FLG: variants seen among roughly 807,000 people sequenced by gnomAD.
FLG encodes epidermal filaggrin.
FLG carries 6 observed loss-of-function variants against 3.8 expected under a neutral mutation model. That is an observed-to-expected ratio of 1.60 (90% CI 0.87 to 3.15). The LOEUF is 3.15. FLG is among the 30% of genes most tolerant of loss of function. The pLI is 0.00. For missense variants in FLG, 7,595 were observed against 5,050.9 expected, an observed-to-expected ratio of 1.50 and a Z score of -15.27; for synonymous variants, 2,551 against 1,931.6, an observed-to-expected ratio of 1.32 and a Z score of -8.41.
chr1:152,310,544 G>C lies in FLG; in HGVS notation c.4342C>G (p.His1448Asp), dbSNP rs1213152130. The C allele has an allele frequency of 6.2e-7, 1 of 1,613,866 alleles. No individual in the cohort carries two copies. Among genetic ancestry groups the C allele is most frequent in the East Asian group, 2.2e-5 (1 of 44,846 alleles). Residue 1448 changes from histidine (H) to aspartate (D), a missense_variant, in exon 3 of 3, where the codon CAT becomes GAT. By Grantham distance (81) the His-to-Asp change is moderately conservative. Transcript: ENST00000368799. ...SRSFLYQVSSHEQSESTHGQT... is the reference protein window; with the variant it reads ...SRSFLYQVSSDEQSESTHGQT... ...CCGTGTGTGGACTCAGACTGTTCAT[G>C]AGAGCTCACCTGGTAGAGGAAAGAC...
Position 152,305,890 on chromosome 1 carries a change from G to T in FLG, c.8996C>A (p.Ala2999Asp). 1 of 1,285,250 alleles carries T rather than the reference G, an allele frequency of 7.8e-7. No individual in the cohort carries two copies. Among genetic ancestry groups the T allele is most frequent in the Non-Finnish European group, 1.1e-6 (1 of 943,674 alleles). 79.6% of individuals were successfully genotyped at this position (1,285,250 alleles called of 1,614,324 possible). Residue 2999 changes from alanine (A) to aspartate (D), a missense_variant, in exon 3 of 3, where the codon GCT becomes GAT. Ala to Asp is a moderately radical substitution (Grantham distance 126). Transcript: ENST00000368799. ...SRHSGIGHGQ[A>D]SSAVRDSGHR... ...TCCACTGTCTCTGACTGCAGATGAA[G>T]CTTGTCCGTGCCCAATGCCTGAGTG...
chr1:152,312,409 C>T lies in FLG; in HGVS notation c.2477G>A (p.Arg826Gln), dbSNP rs762159918. The T allele has an allele frequency of 2.0e-5, 33 of 1,613,188 alleles. No homozygotes were observed. The highest frequency in any genetic ancestry group is 3.3e-4 in the Middle Eastern group (2 of 6,078). ...GGATGCTGAGTGCCTGGAGTTGTCT[C>T]GTGCCTGCTCATGGTGGGATCCTTG... ...VRQGSHHEQA[R>Q]DNSRHSASQD... Residue 826 changes from arginine (R) to glutamine (Q), a missense_variant, in exon 3 of 3, where the codon CGA becomes CAA. Physicochemically the swap from Arg to Gln is conservative, Grantham distance 43 (BLOSUM62 1). Coordinates refer to ENST00000368799, the MANE Select transcript of FLG (RefSeq NM_002016.2).
At chr1:152,324,580 C>T (rs76627681) in intron 1 of FLG, among the ~76,000 whole-genome samples, 276 of 152,036 alleles carry the variant, frequency 1.8e-3, no homozygotes, top group Non-Finnish European at 3.1e-3. Context: ...CACTTTACTA[C>T]AAGCTTGTCC....
Position 152,308,119 on chromosome 1 carries a change from G to A in FLG, c.6767C>T (p.Ser2256Phe). The change falls in exon 3 of 3, where the codon TCT becomes TTT. Residue 2256 changes from serine (S) to phenylalanine (F), a missense_variant. Physicochemically the swap from Ser to Phe is radical, Grantham distance 155 (BLOSUM62 -2). Coordinates refer to ENST00000368799, the MANE Select transcript of FLG (RefSeq NM_002016.2). ...DSDSEGHSED[S>F]ERRSGSASRN... Reference sequence around the variant, plus strand: ...GGACGCAGACCCAGACCGCCTCTCAGAATCTTCTGAGTGTCCCTCACTGTC... The same window carrying A: ...GGACGCAGACCCAGACCGCCTCTCAAAATCTTCTGAGTGTCCCTCACTGTC... 1 of 1,614,014 alleles carries A rather than the reference G, an allele frequency of 6.2e-7. No individual in the cohort carries two copies. The highest frequency in any genetic ancestry group is 8.5e-7 in the Non-Finnish European group (1 of 1,179,998).
At position 152,303,961 on chromosome 1, in the gene FLG, A is replaced by G. The variant is rs150010190; in HGVS notation, c.10925T>C (p.Ile3642Thr). 1.6e-3 allele frequency: 2,550 copies of G among 1,611,184 alleles called. No homozygotes were observed. In the African/African-American group the frequency reaches 0.026, roughly 16 times the overall value. Reference protein sequence around the residue: ...QSADSSRHSGIGHGQASSAVR... With the variant: ...QSADSSRHSGTGHGQASSAVR... ...TGCAGATGAAGCTTGTCCGTGCCCA[A>G]TGCCTGAGTGTCTGGAGCTGTCTGC... The change falls in exon 3 of 3, where the codon ATT (isoleucine) becomes ACT (threonine). Residue 3642 changes from isoleucine (I) to threonine (T), a missense_variant. Physicochemically the swap from Ile to Thr is moderately conservative, Grantham distance 89. Transcript: ENST00000368799.
rs764517654 is a variant in FLG at position 152,312,583 on chromosome 1, G to T, written c.2303C>A (p.Ala768Asp). The T allele has an allele frequency of 4.3e-6, 7 of 1,613,558 alleles. No homozygotes were observed. The highest frequency in any genetic ancestry group is 1.7e-5 in the Admixed American group (1 of 59,974). ...TTGGTGGCTCTGCTGATGGTGACCAGCCTGTCCATGGCCTGACACTGACTG... is the reference window on the plus strand; with the variant it reads ...TTGGTGGCTCTGCTGATGGTGACCATCCTGTCCATGGCCTGACACTGACTG... ...DTQSVSGHGQ[A>D]GHHQQSHQES... The change falls in exon 3 of 3, where the codon GCT becomes GAT. Residue 768 changes from alanine to aspartate, a missense_variant. Physicochemically the swap from Ala to Asp is moderately radical, Grantham distance 126. Coordinates refer to ENST00000368799, the MANE Select transcript of FLG (RefSeq NM_002016.2).
Position 152,307,627 on chromosome 1 carries a change from G to A in FLG, c.7259C>T (p.Thr2420Ile). ...RSGSFLYQVS[T>I]HEQSESAHGR... ...ATGGGCGGACTCAGACTGTTCATGAGTGCTCACCTGGTAGAGGAAAGACCC... is the reference window on the plus strand; with the variant it reads ...ATGGGCGGACTCAGACTGTTCATGAATGCTCACCTGGTAGAGGAAAGACCC... The change falls in exon 3 of 3, where the codon ACT becomes ATT. Residue 2420 changes from threonine to isoleucine, a missense_variant. Thr to Ile is a moderately conservative substitution (Grantham distance 89). Coordinates refer to ENST00000368799, the MANE Select transcript of FLG (RefSeq NM_002016.2). 1.9e-6 allele frequency: 3 copies of A among 1,613,658 alleles called. No individual in the cohort carries two copies. Among genetic ancestry groups the A allele is most frequent in the Non-Finnish European group, 2.5e-6 (3 of 1,179,906 alleles).
chr1:152,307,641 G>C lies in FLG; in HGVS notation c.7245C>G (p.Leu2415=), dbSNP rs772776074. Residue 2415 remains leucine (L), a synonymous_variant, in exon 3 of 3, where the codon CTC becomes CTG. Transcript: ENST00000368799. ...ACTGTTCATGAGTGCTCACCTGGTA[G>C]AGGAAAGACCCTGAACGTCCAGACC... ...AGRSGRSGSF[L]YQVSTHEQSE... The C allele has an allele frequency of 6.8e-6, 11 of 1,613,608 alleles. No homozygotes were observed. The highest frequency in any genetic ancestry group is 9.3e-6 in the Non-Finnish European group (11 of 1,179,888).
rs758084856 is a variant in FLG, at chr1:152,312,509, A to G, written c.2377T>C (p.Phe793Leu). Residue 793 changes from phenylalanine to leucine, a missense_variant, in exon 3 of 3, where the codon TTC (phenylalanine) becomes CTC (leucine). Physicochemically the swap from Phe to Leu is conservative, Grantham distance 22. Transcript: ENST00000368799. ...TTATGAGTGCTCACCTGGTAGAGGA[A>G]AGACCCTGAACGTCGAGACCTTTCC... ...SGERSRRSGS[F>L]LYQVSTHKQS... is the part of the protein sequence containing the mutation. The G allele has an allele frequency of 1.9e-6, 3 of 1,613,104 alleles. No individual in the cohort carries two copies. The Admixed American group carries it at 5.0e-5, about 27-fold the overall frequency.
chr1:152,310,605 T>A lies in FLG; in HGVS notation c.4281A>T (p.Ala1427=). The A allele has an allele frequency of 6.2e-7, 1 of 1,613,966 alleles. No individual in the cohort carries two copies. Among genetic ancestry groups the A allele is most frequent in the Non-Finnish European group, 8.5e-7 (1 of 1,179,982 alleles). ...CAGAGCTTTCCCCTGACTGGCCACG[T>A]GCGGACTCTTTGTGGCTCTGCTGAT... The part of the protein sequence containing the change: ...GPHQQSHKES[A]RGQSGESSGR... The change falls in exon 3 of 3, where the codon GCA becomes GCT. Residue 1427 remains alanine, a synonymous_variant. Transcript: ENST00000368799.
At position 152,308,606 on chromosome 1, in the gene FLG, C is replaced by T. The variant is rs1652153440; in HGVS notation, c.6280G>A (p.Val2094Met). 1.2e-6 allele frequency: 2 copies of T among 1,613,992 alleles called. No individual in the cohort carries two copies. The highest frequency in any genetic ancestry group is 1.7e-6 in the Non-Finnish European group (2 of 1,180,012). ...GACTCAGACTGTTCATGAGTGCTCA[C>T]CTGGTAGAGGAAAGACCCTGAACGT... ...SGRSGSFLYQ[V>M]STHEQSESTH... is the part of the protein sequence containing the mutation. Residue 2094 changes from valine (V) to methionine (M), a missense_variant, in exon 3 of 3, where the codon GTG becomes ATG. Transcript: ENST00000368799.
In FLG at chr1:152,309,861, TG is replaced by T. The variant is rs749542190; in HGVS notation, c.5024del (p.Ser1675Ter). 2 of 1,614,048 alleles carry T rather than the reference TG, an allele frequency of 1.2e-6. No homozygotes were observed. The highest frequency in any genetic ancestry group is 2.2e-5 in the South Asian group (2 of 91,064). Reference sequence around the variant, plus strand: ...GGGATCCATGTCTTTCTCCTGGACTTGACCTTGCCTGTTCCTGGGATGATGC... The same window carrying T: ...GGGATCCATGTCTTTCTCCTGGACTTACCTTGCCTGTTCCTGGGATGATGC... ...QAASSQEQARSSPGERHGSRH... is the reference protein window; with the variant it reads ...QAASSQEQARXSPGERHGSRH... On this transcript the variant is annotated frameshift_variant, in exon 3 of 3. Transcript: ENST00000368799. LOFTEE classifies it low-confidence loss of function (END_TRUNC).
At position 152,311,370 on chromosome 1, in the gene FLG, C is replaced by T. The variant is rs201350571; in HGVS notation, c.3516G>A (p.Arg1172=). 1.5e-5 allele frequency: 24 copies of T among 1,613,484 alleles called. No individual in the cohort carries two copies. Among genetic ancestry groups the T allele is most frequent in the Non-Finnish European group, 1.9e-5 (22 of 1,179,948 alleles). The change falls in exon 3 of 3, where the codon AGG becomes AGA. Residue 1172 remains arginine (R), a synonymous_variant. Coordinates refer to ENST00000368799, the MANE Select transcript of FLG (RefSeq NM_002016.2). ...GGTGGGATCCCTGCCTTCCTCCTCTCCTTGACCCCGGGTGTGCACGAATGG... is the reference window on the plus strand; with the variant it reads ...GGTGGGATCCCTGCCTTCCTCCTCTTCTTGACCCCGGGTGTGCACGAATGG... The part of the protein sequence containing the change: ...QDTIRAHPGS[R]RGGRQGSHHE...
Position 152,308,190 on chromosome 1 carries a change from C to T in FLG, c.6696G>A (p.Gly2232=), listed in dbSNP as rs1557875139. 4 of 1,613,920 alleles carry T rather than the reference C, an allele frequency of 2.5e-6. No individual in the cohort carries two copies. The highest frequency in any genetic ancestry group is 2.5e-6 in the Non-Finnish European group (3 of 1,179,942). Reference sequence around the variant, plus strand: ...ATCCCCGGGGCCTGCTTGTCCTGGGCCCTGATGATTGTCCCTGGCCCACCA... The same window carrying T: ...ATCCCCGGGGCCTGCTTGTCCTGGGTCCTGATGATTGTCCCTGGCCCACCA... ...HSLVGQGQSS[G]PRTSRPRGSS... is the part of the protein sequence containing the mutation. The change falls in exon 3 of 3, where the codon GGG becomes GGA. Residue 2232 remains glycine, a synonymous_variant. Coordinates refer to ENST00000368799, the MANE Select transcript of FLG (RefSeq NM_002016.2).
In FLG at chr1:152,314,736, G is replaced by T. The variant is rs901764347; in HGVS notation, c.150C>A (p.Asp50Glu). 6.2e-7 allele frequency: 1 copy of T among 1,613,814 alleles called. No homozygotes were observed. The highest frequency in any genetic ancestry group is 1.1e-5 in the South Asian group (1 of 91,072). The change falls in exon 3 of 3, where the codon GAC becomes GAA. Residue 50 changes from aspartate to glutamate, a missense_variant. Physicochemically the swap from Asp to Glu is conservative, Grantham distance 45. Transcript: ENST00000368799. ...EFRQILKNPD[D>E]PDMVDVFMDH... is the part of the protein sequence containing the mutation. ...CCATGAAGACATCAACCATATCTGG[G>T]TCATCTGGATTCTGTACAGAGGGAA...
chr1:152,311,397 G>T lies in FLG; in HGVS notation c.3489C>A (p.Asp1163Glu). ...TTGACCCCGGGTGTGCACGAATGGT[G>T]TCCTGACCCTCTTGGGACGCTGAGT... Reference protein sequence around the residue: ...SRHSASQEGQDTIRAHPGSRR... With the variant: ...SRHSASQEGQETIRAHPGSRR... Residue 1163 changes from aspartate to glutamate, a missense_variant, in exon 3 of 3, where the codon GAC (aspartate) becomes GAA (glutamate). By Grantham distance (45) the Asp-to-Glu change is conservative (BLOSUM62 2). Coordinates refer to ENST00000368799, the MANE Select transcript of FLG (RefSeq NM_002016.2). 4 of 1,613,606 alleles carry T rather than the reference G, an allele frequency of 2.5e-6. No individual in the cohort carries two copies. Among genetic ancestry groups the T allele is most frequent in the East Asian group, 2.2e-5 (1 of 44,798 alleles).
chr1:152,311,894 A>T lies in FLG; in HGVS notation c.2992T>A (p.Ser998Thr). 4 of 1,614,086 alleles carry T rather than the reference A, an allele frequency of 2.5e-6. No homozygotes were observed. Among genetic ancestry groups the T allele is most frequent in the Middle Eastern group, 1.6e-4 (1 of 6,062 alleles). ...HHEDRAGHGH[S>T]ADSSRQSGTP... ...CCTGATTGTCTGGAGCTGTCTGCAG[A>T]GTGCCCGTGACCGGCTCTGTCTTCG... Residue 998 changes from serine (S) to threonine (T), a missense_variant, in exon 3 of 3, where the codon TCT (serine) becomes ACT (threonine). Transcript: ENST00000368799.
At chr1:152,322,938 A>G (rs1235810233) in intron 1 of FLG, among the ~76,000 whole-genome samples, 3 of 151,496 alleles carry the variant, frequency 2.0e-5, no homozygotes, top group African/African-American at 4.8e-5. Flanking sequence ...CATCTTTAAG[A>G]AGACTAAGTT....
chr1:152,311,640 GTCTGACTCCTCTGAATGTCCC>G lies in FLG; in HGVS notation c.3225_3245del (p.Glu1075_Ser1081del), dbSNP rs779320610. On this transcript the variant is annotated inframe_deletion, in exon 3 of 3. Transcript: ENST00000368799. ...GTCCATGGCCTGACACTGACTGTGT[GTCTGACTCCTCTGAATGTCCC>G]TCACTATCACTGGCCTGACTACCAC... 1.2e-6 allele frequency: 2 copies of G among 1,614,146 alleles called. No homozygotes were observed. The highest frequency in any genetic ancestry group is 1.7e-6 in the Non-Finnish European group (2 of 1,180,028).
Sources: allele counts gnomAD v4.1 joint callset (sites outside exome capture counted in the v4.1 genomes callset), GRCh38; gene constraint gnomAD v4.1.1; transcripts MANE v1.5; gene names NCBI Gene and HGNC (gene_info 2026-07-23, HGNC 2026-07-21).